ATRNL1: variants seen among roughly 807,000 people sequenced by gnomAD.
ATRNL1 encodes attractin-like protein 1.
Under a neutral mutation model 182.7 loss-of-function variants are expected in ATRNL1, and 95 were observed. The observed-to-expected ratio is 0.52, with a 90% confidence interval of 0.44 to 0.62. The LOEUF (loss-of-function observed/expected upper bound fraction) is 0.62. Among genes scored for constraint, ATRNL1 ranks in the 20% least tolerant of loss-of-function variants. The pLI, the probability that ATRNL1 is intolerant of heterozygous loss-of-function variation, is 0.00. For synonymous variants in ATRNL1, 576 were observed against 568.3 expected (o/e 1.01, Z -0.19); for missense variants, 1,471 against 1,679.5 (o/e 0.88, Z 2.17).
rs1854269175 is a variant in ATRNL1 at position 115,315,737 on chromosome 10, GTAA to G, written c.3037+9_3037+11del. On this transcript the variant is annotated splice_donor_variant and splice_donor_region_variant and intron_variant, in intron 18 of 28. Coordinates refer to ENST00000355044, the MANE Select transcript of ATRNL1 (RefSeq NM_207303.4). LOFTEE classifies it high-confidence loss of function. The stretch of plus-strand genomic sequence containing the variant: ...GAGTGGTCCTTTATCCAGTGTCCAG[GTAA>G]TAATAATGTAATGGAAACAATTTCA... 1.9e-6 allele frequency: 3 copies of G among 1,608,066 alleles called. No individual in the cohort carries two copies. The East Asian group carries it at 6.7e-5, about 36-fold the overall frequency.
intron 28 of ATRNL1, among the ~76,000 whole-genome samples, chr10:115,896,044 G>A (rs1444565370): frequency 2.0e-5 from 3 of 152,118 alleles, no homozygotes; most frequent in Admixed American, 6.5e-5. Flanking sequence ...CCCAGTTAGC[G>A]TCTTCTGTGT....
At chr10:115,929,630 G>T (rs1199422970) in intron 28 of ATRNL1, among the ~76,000 whole-genome samples, 1 of 151,858 alleles carries the variant, frequency 6.6e-6, no homozygotes, top group South Asian at 2.1e-4. Context: ...ATAACTTCAC[G>T]GAGGACCATT....
intron 24 of ATRNL1, among the ~76,000 whole-genome samples, chr10:115,511,257 T>C (rs1309936032): frequency 1.3e-5 from 2 of 151,968 alleles, no homozygotes; most frequent in Non-Finnish European, 2.9e-5. Flanking sequence ...TCGTGGATCT[T>C]AGTAACAGCT....
At chr10:115,800,448 GA>G (rs1949765555) in intron 27 of ATRNL1, among the ~76,000 whole-genome samples, 1 of 152,106 alleles carries the variant, frequency 6.6e-6, no homozygotes, top group Admixed American at 6.5e-5. Context: ...AACAGAAAGA[GA>G]AGGGGAGAAA....
At chr10:115,264,101 A>C (rs1210708803) in intron 10 of ATRNL1, among the ~76,000 whole-genome samples, 1 of 150,452 alleles carries the variant, frequency 6.6e-6, no homozygotes, top group Non-Finnish European at 1.5e-5. Context: ...TTTTAATTAT[A>C]CTTTAAGTTC....
intron 20 of ATRNL1, among the ~76,000 whole-genome samples, chr10:115,411,803 A>C (rs1845154370): frequency 6.6e-6 from 1 of 152,010 alleles, no homozygotes. Flanking sequence ...TTATGTCTCA[A>C]TTTGCTTTTT....
rs1290288839 is a variant in ATRNL1 at position 115,931,275 on chromosome 10, C to T, written c.4019-13383C>T. ...TTTAGGATTTCGGATTAAGAGACTA[C>T]GAAACTAAATCTGATTAAATTATAC... On this transcript the variant is annotated intron_variant, in intron 28 of 28. Transcript: ENST00000355044. Among the ~76,000 whole-genome samples the T allele has an allele frequency of 2.0e-5, 3 of 152,034 alleles. No individual in the cohort carries two copies. The South Asian group carries it at 6.2e-4, about 32-fold the overall frequency.
chr10:115,726,361 A>G (rs1947597064), intron 26 of ATRNL1, among the ~76,000 whole-genome samples: 1 of 151,770 alleles, frequency 6.6e-6, no homozygotes, highest in African/African-American at 2.4e-5. Context: ...TTTAAAGAGT[A>G]TTTAATTGCA....
intron 26 of ATRNL1, among the ~76,000 whole-genome samples, chr10:115,632,864 TTTTTA>T (rs10530158): frequency 0.011 from 1,495 of 136,552 alleles, 28 homozygotes; most frequent in African/African-American, 0.035. Flanking sequence ...TCACATTAAC[TTTTTA>T]TTTTATTTTA....
At chr10:115,099,747 T>G (rs1843694932) in intron 1 of ATRNL1, among the ~76,000 whole-genome samples, 1 of 152,194 alleles carries the variant, frequency 6.6e-6, no homozygotes, top group Admixed American at 6.5e-5. Flanking sequence ...TAATAGGCAT[T>G]TATTCAAACC....
At chr10:115,621,748 T>C (rs1056265612) in intron 26 of ATRNL1, among the ~76,000 whole-genome samples, 1 of 152,228 alleles carries the variant, frequency 6.6e-6, no homozygotes, top group East Asian at 1.9e-4. Context: ...TTCTTATTAA[T>C]CTTTCAGAGC....
intron 27 of ATRNL1, among the ~76,000 whole-genome samples, chr10:115,754,003 A>G (rs141848127): frequency 0.034 from 5,157 of 152,052 alleles, 286 homozygotes; most frequent in African/African-American, 0.11. Flanking sequence ...GATATCCTTC[A>G]CCCACTTTTT....
intron 26 of ATRNL1, among the ~76,000 whole-genome samples, chr10:115,713,151 G>A (rs1593108159): frequency 6.6e-6 from 1 of 152,098 alleles, no homozygotes; most frequent in Non-Finnish European, 1.5e-5. Context: ...AGCCAATTCA[G>A]AGACAATCTA....
chr10:115,279,145 T>A (rs1005203793), intron 13 of ATRNL1, among the ~76,000 whole-genome samples: 16 of 149,014 alleles, frequency 1.1e-4, no homozygotes, highest in Non-Finnish European at 1.5e-5. Context: ...GAGCTTGCAG[T>A]GAGCCGAGAT....
intron 28 of ATRNL1, among the ~76,000 whole-genome samples, chr10:115,867,527 A>T (rs1366698345): frequency 6.6e-6 from 1 of 152,118 alleles, no homozygotes; most frequent in African/African-American, 2.4e-5. Flanking sequence ...TCACTGAAGT[A>T]GTCCTCTTTC....
At position 115,194,187 on chromosome 10, in the gene ATRNL1, ATGGTCTGTAAATGTCTATT is replaced by A. The variant is rs576970807; in HGVS notation, c.1349-21500_1349-21482del. Among the ~76,000 whole-genome samples the A allele has an allele frequency of 2.8e-4, 42 of 152,130 alleles. No homozygotes were observed. The East Asian group carries it at 7.3e-3, about 27-fold the overall frequency. On this transcript the variant is annotated intron_variant, in intron 8 of 28. Transcript: ENST00000355044. ...GTGTATTGTGCAGCTATTAGATGAA[ATGGTCTGTAAATGTCTATT>A]TGGTCTGTAGTGCAGATTAAGGTCT...
At chr10:115,567,559 A>T (rs961308252) in intron 26 of ATRNL1, among the ~76,000 whole-genome samples, 2 of 152,144 alleles carry the variant, frequency 1.3e-5, no homozygotes, top group Non-Finnish European at 2.9e-5. Flanking sequence ...TTAAAAGATG[A>T]AGAATTGTTA....
intron 26 of ATRNL1, among the ~76,000 whole-genome samples, chr10:115,590,962 C>T (rs1855865579): frequency 6.6e-6 from 1 of 152,188 alleles, no homozygotes; most frequent in South Asian, 2.1e-4. Context: ...CTGGCAAATC[C>T]TTCTGTTTCA....
At chr10:115,371,492 A>T (rs1857392912) in intron 19 of ATRNL1, among the ~76,000 whole-genome samples, 1 of 152,224 alleles carries the variant, frequency 6.6e-6, no homozygotes, top group East Asian at 1.9e-4. Context: ...TGAGACATGG[A>T]GTCAAAGGAG....
Sources: gnomAD v4.1 joint callset for allele counts (sites outside exome capture counted in the v4.1 genomes callset) on GRCh38, gnomAD v4.1.1 for gene constraint, MANE v1.5 for transcripts, NCBI Gene and HGNC (gene_info 2026-07-23, HGNC 2026-07-21) for gene names.